HECW1: variants seen among roughly 807,000 people sequenced by gnomAD.
HECW1 encodes E3 ubiquitin-protein ligase HECW1.
HECW1 carries 61 observed loss-of-function variants against 182.3 expected under a neutral mutation model. The observed-to-expected ratio is 0.33, with a 90% CI of 0.27 to 0.41. The LOEUF (loss-of-function observed/expected upper bound fraction) is 0.41, where lower values mean the gene tolerates loss of function less well. Among genes scored for constraint, HECW1 ranks in the 10% least tolerant of loss-of-function variants. The pLI, the probability that HECW1 is intolerant of heterozygous loss-of-function variation, is 1.00. For synonymous variants in HECW1, 859 were observed against 832.6 expected, an observed-to-expected ratio of 1.03 and a Z score of -0.55; for missense variants, 1,739 against 2,108.9, an observed-to-expected ratio of 0.82 and a Z score of 3.44.
intron 21 of HECW1, among the ~76,000 whole-genome samples, chr7:43,504,585 A>G (rs944180218): frequency 6.6e-6 from 1 of 152,230 alleles, no homozygotes; most frequent in African/African-American, 2.4e-5. Flanking sequence ...CACTTCTGCA[A>G]TCAGGCACTC....
intron 2 of HECW1, among the ~76,000 whole-genome samples, chr7:43,190,104 GT>G (rs762142992): frequency 8.1e-5 from 12 of 148,774 alleles, no homozygotes; most frequent in Non-Finnish European, 1.2e-4. Context: ...TGTTGTTGTT[GT>G]TTGTTTGCTT....
chr7:43,404,864 T>A (rs1025360435), intron 7 of HECW1, among the ~76,000 whole-genome samples: 9 of 152,124 alleles, frequency 5.9e-5, no homozygotes, highest in African/African-American at 1.9e-4. Flanking sequence ...TAATCCCAGC[T>A]ACTCGGTAGG....
chr7:43,340,588 A>T (rs1174039459), intron 5 of HECW1, among the ~76,000 whole-genome samples: 1 of 151,672 alleles, frequency 6.6e-6, no homozygotes, highest in African/African-American at 2.4e-5. Context: ...GGGTGGTGAC[A>T]GTAATCAACA....
chr7:43,440,899 A>T (rs943113028), intron 9 of HECW1, among the ~76,000 whole-genome samples: 4 of 152,168 alleles, frequency 2.6e-5, no homozygotes, highest in Non-Finnish European at 5.9e-5. Flanking sequence ...GCTTGTTGGG[A>T]TATAGGTTGT....
intron 24 of HECW1, among the ~76,000 whole-genome samples, chr7:43,528,556 T>G (rs553419287): frequency 6.6e-6 from 1 of 152,232 alleles, no homozygotes; most frequent in East Asian, 1.9e-4. Flanking sequence ...AGAGCAATAC[T>G]AAGTATGTTA....
Position 43,442,535 on chromosome 7 carries a change from G to A in HECW1, c.951G>A (p.Arg317=). ...GGTGCTTATTTCCTTCTAGGGATAGGGTGGTCAGCTACACACTTGGCCGCA... is the reference window on the plus strand; with the variant it reads ...GGTGCTTATTTCCTTCTAGGGATAGAGTGGTCAGCTACACACTTGGCCGCA... ...RLLERHAIGD[R]VVSYTLGRRL... Residue 317 remains arginine (R), a synonymous_variant, in exon 10 of 30, where the codon AGG becomes AGA. Transcript: ENST00000395891. The A allele has an allele frequency of 6.2e-7, 1 of 1,611,032 alleles. No individual in the cohort carries two copies. The highest frequency in any genetic ancestry group is 1.3e-5 in the African/African-American group (1 of 74,960).
At chr7:43,280,127 G>A (rs1031946431) in intron 3 of HECW1, among the ~76,000 whole-genome samples, 2 of 152,316 alleles carry the variant, frequency 1.3e-5, no homozygotes, top group African/African-American at 4.8e-5. Flanking sequence ...TGCTGGGTCA[G>A]GACTAGGAAT....
chr7:43,256,974 A>G (rs1800651414), intron 3 of HECW1, among the ~76,000 whole-genome samples: 1 of 152,216 alleles, frequency 6.6e-6, no homozygotes. Flanking sequence ...AGAAATCAGG[A>G]AACAAAAAAG....
intron 19 of HECW1, among the ~76,000 whole-genome samples, chr7:43,497,316 A>T (rs1252988559): frequency 6.6e-6 from 1 of 152,144 alleles, no homozygotes; most frequent in Non-Finnish European, 1.5e-5. Flanking sequence ...GTAGATTGGG[A>T]GGGTAGGTGA....
At chr7:43,316,221 C>G (rs980331481) in intron 4 of HECW1, among the ~76,000 whole-genome samples, 1 of 152,132 alleles carries the variant, frequency 6.6e-6, no homozygotes, top group Non-Finnish European at 1.5e-5. Context: ...GGATTCTACA[C>G]ACCAGAAGAA....
rs1031872208 is a variant in HECW1 at position 43,447,998 on chromosome 7, G to A, written c.2398+2428G>A. Reference sequence around the variant, plus strand: ...AAAATACAAAATATTAGCTGGGCACGGTGGCGGGCACCTGTAATCTCAGCT... The same window carrying A: ...AAAATACAAAATATTAGCTGGGCACAGTGGCGGGCACCTGTAATCTCAGCT... On this transcript the variant is annotated intron_variant, in intron 11 of 29. Transcript: ENST00000395891. Among the ~76,000 whole-genome samples, 11 of 152,120 alleles carry A rather than the reference G, an allele frequency of 7.2e-5. No individual in the cohort carries two copies. The East Asian group carries it at 1.2e-3, about 16-fold the overall frequency.
At chr7:43,185,554 T>A (rs568816162) in intron 2 of HECW1, among the ~76,000 whole-genome samples, 1 of 152,298 alleles carries the variant, frequency 6.6e-6, no homozygotes, top group East Asian at 1.9e-4. Context: ...CCAGCTAGTG[T>A]TTGCTAGAGA....
intron 3 of HECW1, among the ~76,000 whole-genome samples, chr7:43,265,747 C>G (rs181802872): frequency 6.6e-6 from 1 of 152,308 alleles, no homozygotes; most frequent in Admixed American, 6.5e-5. Context: ...AGGCTGCTCC[C>G]ACTTCAGGCA....
At chr7:43,323,674 CATT>C (rs1810415096) in intron 5 of HECW1, among the ~76,000 whole-genome samples, 1 of 152,112 alleles carries the variant, frequency 6.6e-6, no homozygotes, top group Admixed American at 6.5e-5. Context: ...AATACATAAA[CATT>C]GGCATAATGG....
At chr7:43,404,199 A>C (rs1487733614) in intron 7 of HECW1, among the ~76,000 whole-genome samples, 1 of 152,248 alleles carries the variant, frequency 6.6e-6, no homozygotes, top group Non-Finnish European at 1.5e-5. Flanking sequence ...TTATTCCATG[A>C]AACGTATATC....
chr7:43,382,225 G>T (rs1302440953), intron 6 of HECW1, among the ~76,000 whole-genome samples: 1 of 152,002 alleles, frequency 6.6e-6, no homozygotes, highest in Non-Finnish European at 1.5e-5. Flanking sequence ...GGCGGAGCTT[G>T]CAGTGAGCCG....
intron 8 of HECW1, among the ~76,000 whole-genome samples, chr7:43,435,625 G>A (rs549645611): frequency 6.6e-6 from 1 of 152,294 alleles, no homozygotes; most frequent in Admixed American, 6.5e-5. Context: ...ATGTTTGGAA[G>A]TGAACACTTA....
chr7:43,412,644 C>A (rs2075845102), intron 8 of HECW1, among the ~76,000 whole-genome samples: 2 of 143,808 alleles, frequency 1.4e-5, no homozygotes, highest in African/African-American at 5.1e-5. Flanking sequence ...TGATATTCCC[C>A]TTCCTGTGTC....
chr7:43,263,505 C>T (rs999666886), intron 3 of HECW1, among the ~76,000 whole-genome samples: 8 of 152,146 alleles, frequency 5.3e-5, no homozygotes, highest in South Asian at 4.1e-4. Flanking sequence ...GGACTACAGG[C>T]GTGTGCCACT....
Sources: gnomAD v4.1 joint callset for allele counts (sites outside exome capture counted in the v4.1 genomes callset) on GRCh38, gnomAD v4.1.1 for gene constraint, MANE v1.5 for transcripts, NCBI Gene and HGNC (gene_info 2026-07-23, HGNC 2026-07-21) for gene names.